The following PHF24 variants were observed in gnomAD, a reference collection of about 807,000 sequenced individuals.
PHF24 encodes Galpha inhibitory interacting protein.
Under a neutral mutation model 42.6 loss-of-function variants are expected in PHF24, and 25 were observed. The ratio of observed to expected loss-of-function variants is 0.59; its 90% CI spans 0.43 to 0.82. The LOEUF is 0.82. Among genes scored for constraint, PHF24 ranks in the 40% least tolerant of loss-of-function variants. PHF24 has a pLI of 0.00. For missense variants in PHF24, 470 were observed against 538.1 expected (o/e 0.87, Z 1.25); for synonymous variants, 185 against 204.8 (o/e 0.90, Z 0.83).
the PHF24 span, among the ~76,000 whole-genome samples, chr9:34,858,980 A>G: frequency 6.6e-6 from 1 of 152,184 alleles, no homozygotes; most frequent in African/African-American, 2.4e-5. Flanking sequence ...GGTAAGCATG[A>G]TCTACTTAGT....
At chr9:34,721,652 C>A in the PHF24 span, among the ~76,000 whole-genome samples, 1 of 152,184 alleles carries the variant, frequency 6.6e-6, no homozygotes, top group South Asian at 2.1e-4. Flanking sequence ...CTCAGGTGAT[C>A]CACCTGCCTC....
the PHF24 span, chr9:34,917,487 A>G: frequency 1.3e-6 from 1 of 771,408 alleles, no homozygotes. Context: ...GTTTTCAAGT[A>G]CAATCGAAAG....
the PHF24 span, among the ~76,000 whole-genome samples, chr9:34,668,138 G>C: frequency 6.6e-6 from 1 of 152,226 alleles, no homozygotes; most frequent in African/African-American, 2.4e-5. Context: ...GAGCTAGGGA[G>C]TGAGTATTAG....
exon 6 of PHF24, chr9:34,977,147 G>A (rs772848273): frequency 1.5e-5 from 25 of 1,613,454 alleles, no homozygotes; most frequent in Middle Eastern, 1.6e-4. Context: ...TTCCTGGCTC[G>A]GGGCAGTGGG....
chr9:34,838,382 A>G, the PHF24 span: 1 of 1,049,708 alleles, frequency 9.5e-7, no homozygotes, highest in Non-Finnish European at 1.5e-6. Context: ...TCCAAGTTCA[A>G]TTCATGGTGG....
At chr9:34,737,379 T>G in the PHF24 span, among the ~76,000 whole-genome samples, 3 of 152,358 alleles carry the variant, frequency 2.0e-5, no homozygotes, top group African/African-American at 7.2e-5. Flanking sequence ...ACTACTTTAT[T>G]TCTTTTTATG....
At chr9:34,738,818 G>A in the PHF24 span, among the ~76,000 whole-genome samples, 1 of 152,184 alleles carries the variant, frequency 6.6e-6, no homozygotes, top group African/African-American at 2.4e-5. Context: ...CTGCCCTTCG[G>A]TAAGAAGTAT....
At chr9:34,800,704 C>T in the PHF24 span, among the ~76,000 whole-genome samples, 3 of 152,220 alleles carry the variant, frequency 2.0e-5, no homozygotes, top group East Asian at 3.9e-4. Flanking sequence ...AAACTCAAAA[C>T]CATAAAAACC....
chr9:34,836,082 G>T, the PHF24 span: 1 of 546,202 alleles, frequency 1.8e-6, no homozygotes, highest in South Asian at 1.5e-5. Context: ...AAACATTAAT[G>T]ATGGAGTAGC....
chr9:34,941,191 A>G, the PHF24 span, among the ~76,000 whole-genome samples: 1 of 152,160 alleles, frequency 6.6e-6, no homozygotes, highest in Non-Finnish European at 1.5e-5. Flanking sequence ...CTGTCTATAT[A>G]CTGCATCCTA....
chr9:34,880,473 A>G, the PHF24 span, among the ~76,000 whole-genome samples: 2 of 152,238 alleles, frequency 1.3e-5, no homozygotes, highest in Non-Finnish European at 2.9e-5. Flanking sequence ...TCTCATGTGC[A>G]GAGACACACA....
the PHF24 span, among the ~76,000 whole-genome samples, chr9:34,810,009 G>A: frequency 6.9e-6 from 1 of 144,504 alleles, no homozygotes; most frequent in East Asian, 2.0e-4. Context: ...CGCCGCCGCC[G>A]CCCACGCGCC....
At chr9:34,981,623 G>GACAGATGT (rs982529556) in exon 8 of PHF24, 62 of 152,256 alleles carry the variant, frequency 4.1e-4, no homozygotes, top group African/African-American at 1.4e-3. Flanking sequence ...AGTGAAGACA[G>GACAGATGT]ACAGATGTGT....
At chr9:34,886,269 A>AC in the PHF24 span, among the ~76,000 whole-genome samples, 2 of 150,328 alleles carry the variant, frequency 1.3e-5, no homozygotes, top group African/African-American at 4.9e-5. Flanking sequence ...AAAAAAAAAA[A>AC]AACTCCTTCT....
chr9:34,880,966 A>T, the PHF24 span, among the ~76,000 whole-genome samples: 24 of 152,208 alleles, frequency 1.6e-4, no homozygotes, highest in Admixed American at 6.5e-4. Flanking sequence ...AGTAAAGCAC[A>T]CTCCTCAGCA....
intron 1 of PHF24, among the ~76,000 whole-genome samples, chr9:34,967,766 A>T (rs1826830051): frequency 6.6e-6 from 1 of 152,202 alleles, no homozygotes; most frequent in Non-Finnish European, 1.5e-5. Flanking sequence ...AAAAAATTTA[A>T]CATATACATA....
chr9:34,940,454 CTCTT>C, the PHF24 span, among the ~76,000 whole-genome samples: 1 of 151,832 alleles, frequency 6.6e-6, no homozygotes, highest in Non-Finnish European at 1.5e-5. Context: ...TGTTTCTTTC[CTCTT>C]TCTTTAATTC....
At chr9:34,832,400 T>C in the PHF24 span, 7 of 1,120,256 alleles carry the variant, frequency 6.2e-6, no homozygotes, top group African/African-American at 1.6e-5. Flanking sequence ...GTCTGGAGTG[T>C]AACCGAAGCT....
At chr9:34,729,285 C>T in the PHF24 span, 139 of 1,551,744 alleles carry the variant, frequency 9.0e-5, no homozygotes, top group Admixed American at 1.3e-3. Flanking sequence ...CAGCCCTACC[C>T]GGCAGCAGCT....
Sources: gnomAD v4.1 joint callset for allele counts (sites outside exome capture counted in the v4.1 genomes callset) on GRCh38, gnomAD v4.1.1 for gene constraint, MANE v1.5 for transcripts, NCBI Gene and HGNC (gene_info 2026-07-23, HGNC 2026-07-21) for gene names.